Variants in DPP6 observed in about 807,000 individuals in gnomAD.
The protein encoded by DPP6 is dipeptidyl peptidase like 6, also known as A-type potassium channel modulatory protein DPP6.
In DPP6, 69 loss-of-function variants were observed where a neutral mutation model predicts 122.6. The observed-to-expected ratio is 0.56, with a 90% CI of 0.46 to 0.69. DPP6 has a LOEUF of 0.69. Among genes scored for constraint, DPP6 ranks in the 30% least tolerant of loss-of-function variants. The pLI is 0.00. For synonymous variants in DPP6, 418 were observed against 433.1 expected, an observed-to-expected ratio of 0.97 and a Z score of 0.43; for missense variants, 928 against 1,116.9, an observed-to-expected ratio of 0.83 and a Z score of 2.41.
chr7:154,569,134 T>G (rs1830954286), intron 5 of DPP6, among the ~76,000 whole-genome samples: 1 of 150,840 alleles, frequency 6.6e-6, no homozygotes. Context: ...TGCATGAGAA[T>G]TTGGAGTTAG....
Position 154,406,567 on chromosome 7 carries a change from G to A in DPP6, c.244-39647G>A, listed in dbSNP as rs188431493. Among the ~76,000 whole-genome samples the A allele has an allele frequency of 3.2e-3, 480 of 152,172 alleles. 3 individuals are homozygous for A. Among genetic ancestry groups the A allele is most frequent in the Non-Finnish European group, 4.6e-3 (313 of 68,012 alleles). On this transcript the variant is annotated intron_variant, in intron 1 of 25. Coordinates refer to ENST00000377770, the MANE Select transcript of DPP6 (RefSeq NM_130797.4). ...CCTGCACACACACGTGGGTTTGCAT[G>A]CTGACTTGACATCCAATGCTAACAG...
At chr7:154,872,963 C>T (rs770072078) in intron 19 of DPP6, among the ~76,000 whole-genome samples, 1 of 152,184 alleles carries the variant, frequency 6.6e-6, no homozygotes, top group Non-Finnish European at 1.5e-5. Context: ...CTGGGATCAT[C>T]GTAGTGGCAT....
chr7:153,947,488 CA>C (rs1306225932), intron 1 of DPP6, among the ~76,000 whole-genome samples: 1 of 151,954 alleles, frequency 6.6e-6, no homozygotes, highest in African/African-American at 2.4e-5. Flanking sequence ...ACTAGACTGG[CA>C]AAAAATAATA....
chr7:154,829,971 C>T (rs1298229734), intron 16 of DPP6, among the ~76,000 whole-genome samples: 1 of 152,170 alleles, frequency 6.6e-6, no homozygotes, highest in Non-Finnish European at 1.5e-5. Context: ...CTGTGCCCTC[C>T]CGCAGCTGTG....
chr7:153,883,568 C>T (rs186195847), upstream of DPP6, among the ~76,000 whole-genome samples: 12 of 152,224 alleles, frequency 7.9e-5, no homozygotes, highest in East Asian at 9.7e-4. Flanking sequence ...TTAGTAGAGA[C>T]GGGATTTTAC....
intron 5 of DPP6, among the ~76,000 whole-genome samples, chr7:154,621,207 G>A (rs746860387): frequency 4.6e-5 from 7 of 151,994 alleles, no homozygotes; most frequent in Non-Finnish European, 8.8e-5. Flanking sequence ...TGGCAACTAC[G>A]ACATGATTTG....
intron 6 of DPP6, 132 bp downstream of exon 6, chr7:154,638,005 G>A (rs1041387814): frequency 6.1e-6 from 6 of 986,496 alleles, no homozygotes; most frequent in South Asian, 1.6e-5. Context: ...TGCTGGTATC[G>A]TGGCACCTCT....
chr7:154,883,652 CCATACACATGCTCACACGATTA>C (rs1805701537), intron 21 of DPP6: 1 of 128,796 alleles, frequency 7.8e-6, no homozygotes, highest in Non-Finnish European at 1.6e-5. Flanking sequence ...ACACGTTTAC[CCATACACATGCTCACACGATTA>C]CATACACCTG....
At chr7:153,777,115 A>G in the DPP6 span, among the ~76,000 whole-genome samples, 2 of 152,218 alleles carry the variant, frequency 1.3e-5, no homozygotes, top group Admixed American at 1.3e-4. Flanking sequence ...TGGATGCAAA[A>G]CAAACACATG....
intron 1 of DPP6, among the ~76,000 whole-genome samples, chr7:154,062,841 T>A (rs1275613981): frequency 7.9e-6 from 1 of 126,370 alleles, no homozygotes; most frequent in Non-Finnish European, 1.7e-5. Flanking sequence ...AGGCGGGGAC[T>A]GCGAGCCAGA....
At chr7:154,746,532 C>T (rs187548914) in intron 8 of DPP6, among the ~76,000 whole-genome samples, 1 of 152,298 alleles carries the variant, frequency 6.6e-6, no homozygotes, top group African/African-American at 2.4e-5. Context: ...GCTTCTTAAG[C>T]TTCTAGAAAT....
intron 1 of DPP6, among the ~76,000 whole-genome samples, chr7:153,929,480 G>T (rs1801074173): frequency 1.3e-5 from 2 of 152,082 alleles, no homozygotes; most frequent in African/African-American, 4.8e-5. Context: ...GAGCAGGCTA[G>T]AAGTTGGGCT....
intron 1 of DPP6, among the ~76,000 whole-genome samples, chr7:154,131,394 C>T (rs1795278236): frequency 6.6e-6 from 1 of 152,234 alleles, no homozygotes; most frequent in African/African-American, 2.4e-5. Flanking sequence ...AGGCCTTTTC[C>T]CTTCAGATAT....
chr7:153,943,219 A>C (rs1261890655), intron 1 of DPP6, among the ~76,000 whole-genome samples: 1 of 152,216 alleles, frequency 6.6e-6, no homozygotes, highest in Non-Finnish European at 1.5e-5. Context: ...ATGAATCTCT[A>C]ATGGCCAGCT....
intron 8 of DPP6, among the ~76,000 whole-genome samples, chr7:154,754,538 A>T (rs1006068773): frequency 6.6e-6 from 1 of 152,244 alleles, no homozygotes; most frequent in African/African-American, 2.4e-5. Flanking sequence ...TAAGGAAATT[A>T]AAAATGATGA....
At chr7:154,663,208 T>C (rs1197151907) in intron 6 of DPP6, among the ~76,000 whole-genome samples, 4 of 56,602 alleles carry the variant, frequency 7.1e-5, no homozygotes, top group South Asian at 1.1e-3. Flanking sequence ...ATCAGCATGG[T>C]GTATTGGCGC....
intron 7 of DPP6, among the ~76,000 whole-genome samples, chr7:154,670,488 G>T (rs992478228): frequency 1.3e-5 from 2 of 152,218 alleles, no homozygotes; most frequent in African/African-American, 4.8e-5. Flanking sequence ...CGGTCCTTCA[G>T]GTTTGTTCCA....
At chr7:154,813,021 A>G (rs1799166247) in intron 16 of DPP6, among the ~76,000 whole-genome samples, 1 of 152,032 alleles carries the variant, frequency 6.6e-6, no homozygotes, top group African/African-American at 2.4e-5. Flanking sequence ...AAACCTAAAA[A>G]TTATTTTTAG....
chr7:154,138,069 G>T (rs568185842), intron 1 of DPP6, among the ~76,000 whole-genome samples: 1 of 152,308 alleles, frequency 6.6e-6, no homozygotes, highest in African/African-American at 2.4e-5. Flanking sequence ...CCTGGCTTCT[G>T]CTCCCAATCT....
Sources: gnomAD v4.1 joint callset for allele counts (sites outside exome capture counted in the v4.1 genomes callset) on GRCh38, gnomAD v4.1.1 for gene constraint, MANE v1.5 for transcripts, NCBI Gene and HGNC (gene_info 2026-07-23, HGNC 2026-07-21) for gene names.